APBB1IP: variants seen among roughly 807,000 people sequenced by gnomAD.
APBB1IP encodes the protein amyloid beta precursor protein binding family B member 1 interacting protein, also known as amyloid beta A4 precursor protein-binding family B member 1-interacting protein.
A neutral mutation model predicts 64.9 loss-of-function variants in APBB1IP; 27 were observed. The observed-to-expected ratio is 0.42, with a 90% CI of 0.31 to 0.57. The LOEUF is 0.57. APBB1IP is among the 20% of genes least tolerant of loss of function. The probability of loss-of-function intolerance (pLI) is 0.20; values close to 1 mark genes in which losing one functional copy is unlikely to be tolerated. For missense variants in APBB1IP, 812 were observed against 845.5 expected, an observed-to-expected ratio of 0.96 and a Z score of 0.49; for synonymous variants, 392 against 331.0, an observed-to-expected ratio of 1.18 and a Z score of -2.00.
At chr10:26,499,729 G>A (rs887694250) in intron 4 of APBB1IP, among the ~76,000 whole-genome samples, 2 of 151,980 alleles carry the variant, frequency 1.3e-5, no homozygotes, top group Non-Finnish European at 2.9e-5. Flanking sequence ...CTCTACCATA[G>A]TAATCTCACA....
intron 4 of APBB1IP, among the ~76,000 whole-genome samples, chr10:26,499,560 TCTC>T (rs1836070574): frequency 6.6e-6 from 1 of 152,278 alleles, no homozygotes; most frequent in South Asian, 2.1e-4. Flanking sequence ...CAGCTAGAAT[TCTC>T]CTCATGGATC....
chr10:26,482,528 G>A (rs748500479), intron 2 of APBB1IP, among the ~76,000 whole-genome samples: 1 of 152,136 alleles, frequency 6.6e-6, no homozygotes, highest in Non-Finnish European at 1.5e-5. Flanking sequence ...ACCAGCATTT[G>A]CGAGCATCCG....
chr10:26,517,469 C>T (rs1341971178), intron 8 of APBB1IP, among the ~76,000 whole-genome samples: 2 of 152,232 alleles, frequency 1.3e-5, no homozygotes, highest in Non-Finnish European at 2.9e-5. Context: ...GACAGGGTCT[C>T]GCTCTGTTGC....
At chr10:26,451,415 A>G (rs946035698) in intron 2 of APBB1IP, among the ~76,000 whole-genome samples, 1 of 152,210 alleles carries the variant, frequency 6.6e-6, no homozygotes, top group Non-Finnish European at 1.5e-5. Context: ...TTAAGAATGT[A>G]TTAATAGTGG....
intron 2 of APBB1IP, among the ~76,000 whole-genome samples, chr10:26,439,078 A>C (rs1835311823): frequency 6.6e-6 from 1 of 152,160 alleles, no homozygotes; most frequent in African/African-American, 2.4e-5. Context: ...TGGGGGTGTG[A>C]GGGTTTGGGG....
chr10:26,511,456 A>G (rs1320690789), intron 6 of APBB1IP, among the ~76,000 whole-genome samples: 1 of 152,122 alleles, frequency 6.6e-6, no homozygotes, highest in Non-Finnish European at 1.5e-5. Flanking sequence ...AGAAGCTAAC[A>G]CTTTTTTTGT....
At chr10:26,543,901 A>G (rs2132471205) in intron 11 of APBB1IP, among the ~76,000 whole-genome samples, 1 of 152,362 alleles carries the variant, frequency 6.6e-6, no homozygotes, top group South Asian at 2.1e-4. Flanking sequence ...TTCCGAAGGA[A>G]GAGAGATGGG....
chr10:26,507,693 G>T (rs1836200609), intron 6 of APBB1IP, among the ~76,000 whole-genome samples: 2 of 152,054 alleles, frequency 1.3e-5, no homozygotes, highest in Non-Finnish European at 2.9e-5. Context: ...AAAAGAAAAT[G>T]GTAAAAGTAA....
At chr10:26,514,894 A>G (rs1195651885) in intron 8 of APBB1IP, among the ~76,000 whole-genome samples, 1 of 151,270 alleles carries the variant, frequency 6.6e-6, no homozygotes, top group Non-Finnish European at 1.5e-5. Context: ...TTTTTGTTAG[A>G]CAAAGTCTTC....
In APBB1IP at chr10:26,536,234, A is replaced by G; in HGVS notation, c.1044+17A>G. On this transcript the variant is annotated intron_variant, in intron 10 of 14. Coordinates refer to ENST00000376236, the MANE Select transcript of APBB1IP (RefSeq NM_019043.4). Reference sequence around the variant, plus strand: ...AAGACTAAGGTCAGAAAAAAAAAAAAAAAAGCACTTAGCAATAAAGCATTT... The same window carrying G: ...AAGACTAAGGTCAGAAAAAAAAAAAGAAAAGCACTTAGCAATAAAGCATTT... The G allele has an allele frequency of 4.5e-6, 7 of 1,565,622 alleles. No individual in the cohort carries two copies. Among genetic ancestry groups the G allele is most frequent in the Non-Finnish European group, 5.1e-6 (6 of 1,167,330 alleles).
At chr10:26,493,554 G>A (rs1037159104) in intron 3 of APBB1IP, among the ~76,000 whole-genome samples, 5 of 152,084 alleles carry the variant, frequency 3.3e-5, no homozygotes, top group Non-Finnish European at 5.9e-5. Flanking sequence ...CCCTCCATTC[G>A]GGGTCCCTGA....
chr10:26,487,210 T>C (rs1377700671), intron 2 of APBB1IP, among the ~76,000 whole-genome samples: 7 of 142,330 alleles, frequency 4.9e-5, no homozygotes, highest in South Asian at 2.2e-4. Flanking sequence ...TTTTTTTTTT[T>C]CCTCTCTCTC....
intron 8 of APBB1IP, among the ~76,000 whole-genome samples, chr10:26,525,184 A>G (rs1187151844): frequency 6.6e-6 from 1 of 151,880 alleles, no homozygotes; most frequent in African/African-American, 2.4e-5. Context: ...CAAGATGCTA[A>G]GGTGGGAGGA....
intron 8 of APBB1IP, among the ~76,000 whole-genome samples, chr10:26,531,442 C>G (rs969724519): frequency 6.6e-6 from 1 of 152,108 alleles, no homozygotes; most frequent in Non-Finnish European, 1.5e-5. Context: ...CCGAGGCAGG[C>G]GGATCACGAG....
intron 14 of APBB1IP, among the ~76,000 whole-genome samples, chr10:26,563,068 CAA>C (rs1456526135): frequency 6.6e-6 from 1 of 152,124 alleles, no homozygotes; most frequent in Non-Finnish European, 1.5e-5. Context: ...GTAGCACATC[CAA>C]GTTTTAAACC....
chr10:26,533,406 C>G, intron 8 of APBB1IP, 33 bp from the exon 9 acceptor site: 1 of 1,400,928 alleles, frequency 7.1e-7, no homozygotes, highest in Non-Finnish European at 1.0e-6. Context: ...GTAATGAACA[C>G]TTACTGATCT....
intron 2 of APBB1IP, among the ~76,000 whole-genome samples, chr10:26,439,916 G>T (rs1270284760): frequency 6.6e-6 from 1 of 152,144 alleles, no homozygotes; most frequent in East Asian, 1.9e-4. Context: ...TTTCCCTCTG[G>T]CCTCACTGGA....
intron 4 of APBB1IP, among the ~76,000 whole-genome samples, chr10:26,499,435 C>T (rs1398881297): frequency 2.0e-5 from 3 of 152,148 alleles, no homozygotes; most frequent in African/African-American, 7.2e-5. Flanking sequence ...ATTAGCATTA[C>T]TGGAATATGC....
At position 26,513,226 on chromosome 10, in the gene APBB1IP, G is replaced by T. The variant is rs116176395; in HGVS notation, c.692-313G>T. ...AGCCTTGAGCCTGTGAATAGCCACT[G>T]CACTCCAGCCTGGACAACACAGTAA... On this transcript the variant is annotated intron_variant, in intron 7 of 14. Coordinates refer to ENST00000376236, the MANE Select transcript of APBB1IP (RefSeq NM_019043.4). Among the ~76,000 whole-genome samples, 1,102 of 152,302 alleles carry T rather than the reference G, an allele frequency of 7.2e-3. 19 individuals are homozygous for T. The highest frequency in any genetic ancestry group is 0.065 in the Middle Eastern group (19 of 294).
Sources: allele counts gnomAD v4.1 joint callset (sites outside exome capture counted in the v4.1 genomes callset), GRCh38; gene constraint gnomAD v4.1.1; transcripts MANE v1.5; gene names NCBI Gene and HGNC (gene_info 2026-07-23, HGNC 2026-07-21).